Variants in AGBL4 observed in about 807,000 individuals in gnomAD.
AGBL4 encodes cytosolic carboxypeptidase 6.
A neutral mutation model predicts 66.4 loss-of-function variants in AGBL4; 58 were observed. That is an observed-to-expected ratio of 0.87 (90% CI 0.71 to 1.09). The LOEUF is 1.09. Ranked by LOEUF, AGBL4 falls within the 50% of genes least tolerant of loss-of-function variation. AGBL4 has a pLI of 0.00. For missense variants in AGBL4, 579 were observed against 631.0 expected, an observed-to-expected ratio of 0.92 and a Z score of 0.88; for synonymous variants, 234 against 222.9, an observed-to-expected ratio of 1.05 and a Z score of -0.44.
chr1:49,084,795 A>G (rs1348597077), intron 4 of AGBL4, among the ~76,000 whole-genome samples: 1 of 152,194 alleles, frequency 6.6e-6, no homozygotes, highest in Non-Finnish European at 1.5e-5. Context: ...GTTAAAAAAC[A>G]TCAGATTAGA....
chr1:49,571,278 G>A (rs1644325040), intron 3 of AGBL4, among the ~76,000 whole-genome samples: 2 of 151,400 alleles, frequency 1.3e-5, no homozygotes, highest in African/African-American at 4.9e-5. Context: ...AGTGTATTGT[G>A]GTTTTCCTTA....
At chr1:49,281,115 C>T (rs1293345771) in intron 3 of AGBL4, among the ~76,000 whole-genome samples, 1 of 152,084 alleles carries the variant, frequency 6.6e-6, no homozygotes, top group Non-Finnish European at 1.5e-5. Flanking sequence ...TCTCATTTTA[C>T]AGATTTGGGA....
rs34269146 is a variant in AGBL4 at position 48,891,921 on chromosome 1, G to A, written c.595-24691C>T. Among the ~76,000 whole-genome samples, 405 of 152,154 alleles carry A rather than the reference G, an allele frequency of 2.7e-3. 2 individuals are homozygous for A. The highest frequency in any genetic ancestry group is 0.01 in the Middle Eastern group (3 of 292). On this transcript the variant is annotated intron_variant, in intron 5 of 13. Transcript: ENST00000371839. ...AATTAATAGCTTATGTTCTAATAAA[G>A]GGAAGAGCAGAAATAAAAATGAGAA...
intron 2 of AGBL4, among the ~76,000 whole-genome samples, chr1:49,789,236 G>C (rs903957734): frequency 7.2e-5 from 11 of 152,094 alleles, no homozygotes; most frequent in Non-Finnish European, 1.5e-4. Flanking sequence ...TGCTGGATTC[G>C]ATGTGCCAGT....
intron 11 of AGBL4, among the ~76,000 whole-genome samples, chr1:48,542,979 T>C (rs1354379180): frequency 6.6e-6 from 1 of 152,202 alleles, no homozygotes; most frequent in Non-Finnish European, 1.5e-5. Context: ...CCCAATGAAG[T>C]AGGTATATTA....
intron 4 of AGBL4, among the ~76,000 whole-genome samples, chr1:49,207,088 G>A (rs992120599): frequency 1.5e-4 from 23 of 152,142 alleles, no homozygotes; most frequent in Non-Finnish European, 2.9e-4. Flanking sequence ...GTATTGTTAT[G>A]TGATTAGGGC....
intron 3 of AGBL4, among the ~76,000 whole-genome samples, chr1:49,479,320 G>A (rs1646907288): frequency 6.6e-6 from 1 of 151,760 alleles, no homozygotes; most frequent in African/African-American, 2.4e-5. Context: ...TTTAAGTTCA[G>A]GGGTACATGT....
intron 6 of AGBL4, among the ~76,000 whole-genome samples, chr1:48,701,916 A>T (rs1180779318): frequency 6.6e-6 from 1 of 152,260 alleles, no homozygotes; most frequent in Non-Finnish European, 1.5e-5. Context: ...ATTACCCTTC[A>T]TTGAATGTTA....
intron 1 of AGBL4, among the ~76,000 whole-genome samples, chr1:49,871,312 G>A (rs970378816): frequency 3.3e-5 from 5 of 151,962 alleles, no homozygotes; most frequent in African/African-American, 1.2e-4. Flanking sequence ...TAAGATTTGA[G>A]AGACAGATTT....
At chr1:49,085,552 C>A (rs1376990007) in intron 4 of AGBL4, among the ~76,000 whole-genome samples, 1 of 151,844 alleles carries the variant, frequency 6.6e-6, no homozygotes, top group South Asian at 2.1e-4. Flanking sequence ...GTGCTGTTCT[C>A]ATGGAGAGGA....
chr1:49,908,666 G>A (rs1230896098), intron 1 of AGBL4, among the ~76,000 whole-genome samples: 1 of 151,960 alleles, frequency 6.6e-6, no homozygotes, highest in Non-Finnish European at 1.5e-5. Context: ...GGTTGCAAGT[G>A]CCTGTAGTCC....
At chr1:49,667,998 A>G (rs1409886708) in intron 3 of AGBL4, among the ~76,000 whole-genome samples, 1 of 152,186 alleles carries the variant, frequency 6.6e-6, no homozygotes, top group Admixed American at 6.6e-5. Flanking sequence ...GTGAAGATGC[A>G]ATAACATAAT....
chr1:48,802,400 A>G (rs1349091592), intron 6 of AGBL4, among the ~76,000 whole-genome samples: 1 of 151,776 alleles, frequency 6.6e-6, no homozygotes, highest in East Asian at 1.9e-4. Context: ...AGAATCTTCA[A>G]TTGGGACATC....
intron 11 of AGBL4, among the ~76,000 whole-genome samples, chr1:48,558,705 C>A (rs148605106): frequency 2.0e-5 from 3 of 152,190 alleles, no homozygotes; most frequent in Non-Finnish European, 4.4e-5. Flanking sequence ...CAGTGCTGAG[C>A]GGTTGAGGAC....
intron 11 of AGBL4, among the ~76,000 whole-genome samples, chr1:48,574,394 G>A (rs1644615975): frequency 6.6e-6 from 1 of 152,044 alleles, no homozygotes; most frequent in Non-Finnish European, 1.5e-5. Context: ...GGATTGCTGT[G>A]GGGATCAAAT....
chr1:48,864,654 G>A (rs544739600), intron 6 of AGBL4, among the ~76,000 whole-genome samples: 1 of 152,266 alleles, frequency 6.6e-6, no homozygotes, highest in South Asian at 2.1e-4. Context: ...TAGGGAAAAA[G>A]TCATAGAATG....
intron 1 of AGBL4, among the ~76,000 whole-genome samples, chr1:49,998,570 C>T (rs192553447): frequency 1.0e-3 from 157 of 152,212 alleles, no homozygotes; most frequent in Non-Finnish European, 2.0e-3. Context: ...AGAGGTAACC[C>T]TCCCTAAATA....
At position 49,851,339 on chromosome 1, in the gene AGBL4, G is replaced by A. The variant is rs190021067; in HGVS notation, c.157+57C>T. On this transcript the variant is annotated intron_variant, in intron 2 of 13. Coordinates refer to ENST00000371839, the MANE Select transcript of AGBL4 (RefSeq NM_032785.4). ...GAATGGTCACATAAAATTCAATTCTGAAAAAAGAAATGCCTTACCAGACAA... is the reference window on the plus strand; with the variant it reads ...GAATGGTCACATAAAATTCAATTCTAAAAAAAGAAATGCCTTACCAGACAA... 2.4e-4 allele frequency: 361 copies of A among 1,474,612 alleles called. 5 individuals are homozygous for A. In the Admixed American group the frequency reaches 8.7e-3, roughly 36 times the overall value. 91.3% of individuals were successfully genotyped at this position (1,474,612 alleles called of 1,614,324 possible).
At chr1:49,428,136 C>T (rs1453135485) in intron 3 of AGBL4, among the ~76,000 whole-genome samples, 2 of 152,212 alleles carry the variant, frequency 1.3e-5, no homozygotes, top group East Asian at 3.8e-4. Flanking sequence ...GCTGGCTTCA[C>T]CCCTCAGTGG....
Sources: gnomAD v4.1 joint callset for allele counts (sites outside exome capture counted in the v4.1 genomes callset) on GRCh38, gnomAD v4.1.1 for gene constraint, MANE v1.5 for transcripts, NCBI Gene and HGNC (gene_info 2026-07-23, HGNC 2026-07-21) for gene names.